CSMD3: variants seen among roughly 807,000 people sequenced by gnomAD.
The protein encoded by CSMD3 is CUB and sushi domain-containing protein 3.
In CSMD3, 177 loss-of-function variants were observed where a neutral mutation model predicts 435.2. The ratio of observed to expected loss-of-function variants is 0.41; its 90% CI spans 0.36 to 0.46. The LOEUF (loss-of-function observed/expected upper bound fraction) is 0.46, where lower values mean the gene tolerates loss of function less well. Ranked by LOEUF, CSMD3 falls within the 20% of genes least tolerant of loss-of-function variation. The pLI is 0.34. For missense variants in CSMD3, 4,265 were observed against 4,504.6 expected (o/e 0.95, Z 1.52); for synonymous variants, 1,656 against 1,520.5 (o/e 1.09, Z -2.07).
At chr8:112,404,124 G>A (rs1297274230) in intron 35 of CSMD3, among the ~76,000 whole-genome samples, 1 of 152,106 alleles carries the variant, frequency 6.6e-6, no homozygotes, top group East Asian at 1.9e-4. Flanking sequence ...ATCCTTCCTA[G>A]TTATTTGTGA....
At chr8:112,955,717 G>T (rs2083991544) in intron 7 of CSMD3, among the ~76,000 whole-genome samples, 1 of 151,644 alleles carries the variant, frequency 6.6e-6, no homozygotes, top group Non-Finnish European at 1.5e-5. Flanking sequence ...GGTATATACA[G>T]GAAATAACTT....
At chr8:113,211,323 G>A (rs1236557986) in intron 3 of CSMD3, among the ~76,000 whole-genome samples, 4 of 152,054 alleles carry the variant, frequency 2.6e-5, no homozygotes, top group East Asian at 1.9e-4. Context: ...AATATTTTAA[G>A]TATCAGAGAT....
At chr8:112,498,220 T>C (rs1821571901) in intron 30 of CSMD3, among the ~76,000 whole-genome samples, 1 of 152,152 alleles carries the variant, frequency 6.6e-6, no homozygotes, top group East Asian at 1.9e-4. Flanking sequence ...GTAATGTTTT[T>C]ATTGCATTTA....
At chr8:113,004,322 C>CA (rs537170332) in intron 6 of CSMD3, among the ~76,000 whole-genome samples, 1 of 151,710 alleles carries the variant, frequency 6.6e-6, no homozygotes, top group Non-Finnish European at 1.5e-5. Flanking sequence ...CCAAAGAATA[C>CA]AAAAAAATGT....
At chr8:113,195,263 C>T (rs1409717415) in intron 3 of CSMD3, among the ~76,000 whole-genome samples, 3 of 144,322 alleles carry the variant, frequency 2.1e-5, no homozygotes, top group East Asian at 2.1e-4. Context: ...TGCTTGTTAA[C>T]GACCTTTGTA....
intron 11 of CSMD3, among the ~76,000 whole-genome samples, chr8:112,844,974 C>A (rs1351730094): frequency 6.6e-6 from 1 of 151,888 alleles, no homozygotes; most frequent in Non-Finnish European, 1.5e-5. Context: ...CCGGTATAAT[C>A]ATAATACTGA....
intron 16 of CSMD3, among the ~76,000 whole-genome samples, chr8:112,680,666 T>C (rs2075869050): frequency 6.6e-6 from 1 of 152,128 alleles, no homozygotes; most frequent in African/African-American, 2.4e-5. Flanking sequence ...CCACCTGATA[T>C]TACTAATGAG....
At chr8:112,967,534 G>A (rs1226821721) in intron 7 of CSMD3, among the ~76,000 whole-genome samples, 1 of 151,748 alleles carries the variant, frequency 6.6e-6, no homozygotes, top group East Asian at 1.9e-4. Flanking sequence ...GAAATTTCAA[G>A]GCATAGCTCC....
At chr8:113,399,078 C>CATATATATATATATAT (rs764141337) in intron 1 of CSMD3, among the ~76,000 whole-genome samples, 39 of 90,824 alleles carry the variant, frequency 4.3e-4, no homozygotes, top group African/African-American at 1.6e-3. Context: ...AAGGATAGTT[C>CATATATATATATATAT]ATATATATAT....
At chr8:113,087,712 A>G (rs2089847975) in intron 5 of CSMD3, among the ~76,000 whole-genome samples, 1 of 152,150 alleles carries the variant, frequency 6.6e-6, no homozygotes, top group Non-Finnish European at 1.5e-5. Flanking sequence ...TTAATTCAAG[A>G]TGGATTAAAG....
chr8:112,808,076 A>G (rs1186304111), intron 12 of CSMD3, among the ~76,000 whole-genome samples: 2 of 152,180 alleles, frequency 1.3e-5, no homozygotes, highest in African/African-American at 2.4e-5. Flanking sequence ...GTTTGTCAGA[A>G]GAATTATTTA....
At chr8:112,429,873 T>C (rs1460764141) in intron 32 of CSMD3, among the ~76,000 whole-genome samples, 3 of 151,972 alleles carry the variant, frequency 2.0e-5, no homozygotes, top group African/African-American at 2.4e-5. Flanking sequence ...AGTTTAAAAA[T>C]TATCAGTGAT....
intron 1 of CSMD3, among the ~76,000 whole-genome samples, chr8:113,354,708 T>G (rs1174318639): frequency 2.0e-5 from 3 of 152,180 alleles, no homozygotes; most frequent in Non-Finnish European, 2.9e-5. Context: ...GGCATGATGT[T>G]GGCTTCCTGC....
chr8:113,198,028 A>T (rs945804765), intron 3 of CSMD3, among the ~76,000 whole-genome samples: 18 of 151,364 alleles, frequency 1.2e-4, no homozygotes, highest in African/African-American at 4.4e-4. Flanking sequence ...TAAACCAATT[A>T]ATGTTGGGAT....
intron 24 of CSMD3, among the ~76,000 whole-genome samples, chr8:112,567,585 T>C (rs1202180283): frequency 6.6e-6 from 1 of 152,134 alleles, no homozygotes; most frequent in Non-Finnish European, 1.5e-5. Flanking sequence ...AGGGAAGATA[T>C]GCCAGGTGAC....
In CSMD3 at chr8:113,360,597, G is replaced by A. The variant is rs1311412528; in HGVS notation, c.179-45804C>T. ...TTTTTTTTTTTTTTTTTTTTGAGACGGAGTCTCGCTCTGTCGCCCAGGCTG... is the reference window on the plus strand; with the variant it reads ...TTTTTTTTTTTTTTTTTTTTGAGACAGAGTCTCGCTCTGTCGCCCAGGCTG... On this transcript the variant is annotated intron_variant, in intron 1 of 70. Coordinates refer to ENST00000297405, the MANE Select transcript of CSMD3 (RefSeq NM_198123.2). Among the ~76,000 whole-genome samples, 4 of 122,088 alleles carry A rather than the reference G, an allele frequency of 3.3e-5. No individual in the cohort carries two copies. In the South Asian group the frequency reaches 8.1e-4, roughly 25 times the overall value. The allele number at this position is 122,088 out of a possible 152,430, so 80.1% of individuals were successfully genotyped here.
chr8:112,806,947 C>A (rs570217627), intron 12 of CSMD3, among the ~76,000 whole-genome samples: 1 of 152,268 alleles, frequency 6.6e-6, no homozygotes, highest in Admixed American at 6.5e-5. Context: ...TTGCAGTTTC[C>A]CACCTTGGGA....
chr8:112,593,438 A>C (rs1831373367), intron 22 of CSMD3, among the ~76,000 whole-genome samples: 1 of 152,214 alleles, frequency 6.6e-6, no homozygotes, highest in Non-Finnish European at 1.5e-5. Context: ...AGAGAGGAAA[A>C]GGTAGAGAAG....
intron 32 of CSMD3, among the ~76,000 whole-genome samples, chr8:112,446,159 T>G (rs1354519893): frequency 6.6e-6 from 1 of 152,218 alleles, no homozygotes; most frequent in African/African-American, 2.4e-5. Flanking sequence ...TTCTGTAGTC[T>G]AGAAACACAG....
Sources: gnomAD v4.1 joint callset for allele counts (sites outside exome capture counted in the v4.1 genomes callset) on GRCh38, gnomAD v4.1.1 for gene constraint, MANE v1.5 for transcripts, NCBI Gene and HGNC (gene_info 2026-07-23, HGNC 2026-07-21) for gene names.